The following CDADC1 variants were observed in gnomAD, a reference collection of about 807,000 sequenced individuals.
CDADC1 encodes cytidine and dCMP deaminase domain containing 1.
Under a neutral mutation model 54.9 loss-of-function variants are expected in CDADC1, and 39 were observed. The ratio of observed to expected loss-of-function variants is 0.71; its 90% CI spans 0.55 to 0.93. The LOEUF (loss-of-function observed/expected upper bound fraction) is 0.93, where lower values mean the gene tolerates loss of function less well. CDADC1 is among the 40% of genes least tolerant of loss of function. The pLI, the probability that CDADC1 is intolerant of heterozygous loss-of-function variation, is 0.00. For synonymous variants in CDADC1, 186 were observed against 204.0 expected (o/e 0.91, Z 0.75); for missense variants, 518 against 618.8 (o/e 0.84, Z 1.73).
chr13:49,270,021 G>T (rs1952923696), intron 5 of CDADC1, among the ~76,000 whole-genome samples: 1 of 148,534 alleles, frequency 6.7e-6, no homozygotes, highest in African/African-American at 2.5e-5. Context: ...TCCTGAATAG[G>T]GTGCAACTCC....
At chr13:49,253,065 TAA>T (rs1434603580) in intron 2 of CDADC1, among the ~76,000 whole-genome samples, 2 of 152,180 alleles carry the variant, frequency 1.3e-5, no homozygotes, top group Non-Finnish European at 2.9e-5. Context: ...GCTAAAGTAA[TAA>T]GATTGTTTCA....
chr13:49,254,593 G>A (rs1952502965), intron 2 of CDADC1, among the ~76,000 whole-genome samples: 1 of 152,012 alleles, frequency 6.6e-6, no homozygotes, highest in Admixed American at 6.6e-5. Context: ...AGTAGAGACA[G>A]GGTTTCACTA....
At chr13:49,256,493 G>A (rs9526533) in intron 3 of CDADC1, among the ~76,000 whole-genome samples, 44,881 of 152,114 alleles carry the variant, frequency 0.3, 6,752 homozygotes, top group East Asian at 0.5. Flanking sequence ...CATACTGACT[G>A]CTGTGCTGCA....
chr13:49,264,972 C>T (rs1282256634), intron 4 of CDADC1, among the ~76,000 whole-genome samples: 1 of 152,190 alleles, frequency 6.6e-6, no homozygotes. Context: ...ACTGGCAGAA[C>T]TGGTATTTGA....
At chr13:49,275,796 G>GTC in intron 6 of CDADC1, among the ~76,000 whole-genome samples, 2 of 113,546 alleles carry the variant, frequency 1.8e-5, no homozygotes, top group African/African-American at 3.3e-5. Flanking sequence ...GAGAGAGAGA[G>GTC]TCTCACTCTG....
intron 6 of CDADC1, among the ~76,000 whole-genome samples, chr13:49,275,959 G>A (rs953069549): frequency 3.1e-4 from 47 of 151,634 alleles, no homozygotes; most frequent in African/African-American, 1.1e-3. Context: ...AGTAGAGATG[G>A]GGTTTCACCA....
chr13:49,256,315 C>T (rs1952547035), intron 3 of CDADC1, among the ~76,000 whole-genome samples: 1 of 152,134 alleles, frequency 6.6e-6, no homozygotes, highest in South Asian at 2.1e-4. Flanking sequence ...GGTAATATCT[C>T]CCTCCAGGAC....
At chr13:49,264,502 C>T (rs1188114895) in intron 4 of CDADC1, among the ~76,000 whole-genome samples, 1 of 144,402 alleles carries the variant, frequency 6.9e-6, no homozygotes, top group East Asian at 2.0e-4. Context: ...AGGACCACCT[C>T]AGGTCAGGAG....
rs1055610605 is a variant in CDADC1, at chr13:49,267,686, A to G, written c.627A>G (p.Lys209=). 12 of 1,613,208 alleles carry G rather than the reference A, an allele frequency of 7.4e-6. No homozygotes were observed. The highest frequency in any genetic ancestry group is 9.3e-6 in the Non-Finnish European group (11 of 1,179,724). ...MVQFVEETSY[K]CDFIQKITKT... ...AGTTTGTAGAGGAGACCTCTTACAAATGTGACTTTATTCAAAAAATTACAA... is the reference window on the plus strand; with the variant it reads ...AGTTTGTAGAGGAGACCTCTTACAAGTGTGACTTTATTCAAAAAATTACAA... Residue 209 remains lysine (K), a synonymous_variant, in exon 5 of 10, where the codon AAA becomes AAG. Transcript: ENST00000251108.
chr13:49,291,918 A>G lies in CDADC1; in HGVS notation c.*161A>G. Reference sequence around the variant, plus strand: ...TAGGATACAAATGGTGTTAATAAGAATATTTGTCTTTTAGATTTATGTGTG... The same window carrying G: ...TAGGATACAAATGGTGTTAATAAGAGTATTTGTCTTTTAGATTTATGTGTG... On this transcript the variant is annotated 3_prime_UTR_variant, in exon 10 of 10. Transcript: ENST00000251108. 7.2e-7 allele frequency: 1 copy of G among 1,391,774 alleles called. No homozygotes were observed. Among genetic ancestry groups the G allele is most frequent in the East Asian group, 2.7e-5 (1 of 37,546 alleles). The allele number at this position is 1,391,774 out of a possible 1,614,324, so 86.2% of individuals were successfully genotyped here.
intron 3 of CDADC1, among the ~76,000 whole-genome samples, chr13:49,257,176 A>G (rs988997306): frequency 2.0e-5 from 3 of 152,206 alleles, no homozygotes; most frequent in Non-Finnish European, 1.5e-5. Flanking sequence ...CCTTACCTAG[A>G]TGCAAAATGA....
At chr13:49,249,934 G>A (rs1952386626) in intron 2 of CDADC1, among the ~76,000 whole-genome samples, 1 of 152,006 alleles carries the variant, frequency 6.6e-6, no homozygotes, top group Admixed American at 6.6e-5. Flanking sequence ...TTAGGGTGTT[G>A]GCATTAATTT....
At chr13:49,288,506 T>A (rs1953592012) in intron 9 of CDADC1, among the ~76,000 whole-genome samples, 1 of 152,222 alleles carries the variant, frequency 6.6e-6, no homozygotes, top group Non-Finnish European at 1.5e-5. Context: ...TCTTTCAGTT[T>A]TTATGGATTA....
At position 49,286,216 on chromosome 13, in the gene CDADC1, T is replaced by C; in HGVS notation, c.1411-6T>C. The C allele has an allele frequency of 6.2e-7, 1 of 1,611,454 alleles. No homozygotes were observed. On this transcript the variant is annotated splice_polypyrimidine_tract_variant and splice_region_variant and intron_variant, in intron 8 of 9. Coordinates refer to ENST00000251108, the MANE Select transcript of CDADC1 (RefSeq NM_030911.4). ...AAACAAGTAAAATGTTTGTGCACTC[T>C]TACAGTGGCAGCTGAATCCATCAGG...
chr13:49,274,855 C>T (rs1953061914), intron 6 of CDADC1, among the ~76,000 whole-genome samples: 1 of 152,018 alleles, frequency 6.6e-6, no homozygotes. Flanking sequence ...TTTATGGCCT[C>T]ATAGTTTAGT....
chr13:49,256,322 G>A (rs1952547186), intron 3 of CDADC1, among the ~76,000 whole-genome samples: 2 of 152,114 alleles, frequency 1.3e-5, no homozygotes. Flanking sequence ...TCTCCCTCCA[G>A]GACAAAAAGC....
chr13:49,293,353 A>G lies in CDADC1; in HGVS notation c.*1596A>G, dbSNP rs1279455943. On this transcript the variant is annotated 3_prime_UTR_variant, in exon 10 of 10. Transcript: ENST00000251108. ...GATGGGATATCAGAGGAAGAAGCAT[A>G]CAAGTGGGAAAAACTGTGATTAGAA... 6.6e-6 allele frequency: 1 copy of G among 152,270 alleles called. No individual in the cohort carries two copies. The highest frequency in any genetic ancestry group is 1.5e-5 in the Non-Finnish European group (1 of 68,052). The allele number at this position is 152,270 out of a possible 1,614,324, so 9.4% of individuals were successfully genotyped here. A position where few individuals can be genotyped will look rare whatever the true frequency, so the allele number is the denominator to read the frequency against.
intron 1 of CDADC1, 144 bp downstream of exon 1, chr13:49,248,263 C>T: frequency 1.4e-6 from 1 of 707,992 alleles, no homozygotes; most frequent in Non-Finnish European, 2.3e-6. Flanking sequence ...TCTGCGTGTC[C>T]CCTCCGCGGT....
intron 1 of CDADC1, among the ~76,000 whole-genome samples, chr13:49,248,659 A>G (rs1038455134): frequency 1.3e-5 from 2 of 152,202 alleles, no homozygotes; most frequent in Non-Finnish European, 2.9e-5. Flanking sequence ...TGGAGAAAGA[A>G]GGCTCAACTT....
Sources: allele counts gnomAD v4.1 joint callset (sites outside exome capture counted in the v4.1 genomes callset), GRCh38; gene constraint gnomAD v4.1.1; transcripts MANE v1.5; gene names NCBI Gene and HGNC (gene_info 2026-07-23, HGNC 2026-07-21).